The following PMS2 variants were observed in gnomAD, a reference collection of about 807,000 sequenced individuals.
The protein encoded by PMS2 is mismatch repair endonuclease PMS2.
A neutral mutation model predicts 90.0 loss-of-function variants in PMS2; 69 were observed. That is an observed-to-expected ratio of 0.77 (90% CI 0.63 to 0.94). The LOEUF (loss-of-function observed/expected upper bound fraction) is 0.94. Among genes scored for constraint, PMS2 ranks in the 40% least tolerant of loss-of-function variants. The pLI is 0.00. For missense variants in PMS2, 966 were observed against 1,040.2 expected (o/e 0.93, Z 0.98); for synonymous variants, 332 against 375.1 (o/e 0.89, Z 1.33).
intron 8 of PMS2, among the ~76,000 whole-genome samples, chr7:5,992,272 A>T (rs1259167083): frequency 6.7e-6 from 1 of 149,204 alleles, no homozygotes; most frequent in Non-Finnish European, 1.5e-5. Context: ...GGCTCAAGTG[A>T]TCCTCCTGTG....
In PMS2 at chr7:5,991,953, G is replaced by A. The variant is rs1399207272; in HGVS notation, c.988+20C>T. The A allele has an allele frequency of 1.7e-6, 2 of 1,208,100 alleles. No individual in the cohort carries two copies. Among genetic ancestry groups the A allele is most frequent in the Non-Finnish European group, 2.5e-6 (2 of 809,380 alleles). The allele number at this position is 1,208,100 out of a possible 1,614,324, so 74.8% of individuals were successfully genotyped here. The stretch of plus-strand genomic sequence containing the variant: ...TGAGGCATTAGTCACTAGTTGTACT[G>A]AAATGCCAATGGAACTTACCTGAAT... On this transcript the variant is annotated intron_variant, in intron 9 of 14. Coordinates refer to ENST00000265849, the MANE Select transcript of PMS2 (RefSeq NM_000535.7).
At chr7:5,997,525 A>AAAAAATT (rs1784564264) in intron 6 of PMS2, 102 bp from the exon 7 acceptor site, 1 of 721,242 alleles carries the variant, frequency 1.4e-6, no homozygotes, top group Non-Finnish European at 2.4e-6. Context: ...ACAAGCGCAA[A>AAAAAATT]AAAAATTAAA....
rs116314131 is a variant in PMS2, at chr7:5,992,017, C to T, written c.944G>A (p.Arg315Gln). 2.4e-5 allele frequency: 38 copies of T among 1,602,730 alleles called. No homozygotes were observed. The highest frequency in any genetic ancestry group is 1.7e-4 in the African/African-American group (13 of 74,762). Residue 315 changes from arginine (R) to glutamine (Q), a missense_variant, in exon 9 of 15, where the codon CGA becomes CAA. Physicochemically the swap from Arg to Gln is conservative, Grantham distance 43 (BLOSUM62 1). Around this residue, in one of 2 missense-constraint regions of PMS2, gnomAD observed 871 missense variants for 802.4 expected, o/e 1.09. Coordinates refer to ENST00000265849, the MANE Select transcript of PMS2 (RefSeq NM_000535.7). Reference protein sequence around the residue: ...LVNEVYHMYNRHQYPFVVLNI... With the variant: ...LVNEVYHMYNQHQYPFVVLNI... Reference sequence around the variant, plus strand: ...AAGAACAACAAATGGATACTGGTGTCGATTATACATGTGGTAGACCTCATT... The same window carrying T: ...AAGAACAACAAATGGATACTGGTGTTGATTATACATGTGGTAGACCTCATT...
Position 5,999,270 on chromosome 7 carries a change from A to G in PMS2, c.543T>C (p.Tyr181=), listed in dbSNP as rs1583387894. The change falls in exon 6 of 15, where the codon TAT becomes TAC. Residue 181 remains tyrosine, a synonymous_variant. Coordinates refer to ENST00000265849, the MANE Select transcript of PMS2 (RefSeq NM_000535.7). The part of the protein sequence containing the change: ...KEFQRNIKKE[Y]AKMVQVLHAY... The stretch of plus-strand genomic sequence containing the variant: ...CATGTAAGACCTGGACCATTTTGGC[A>G]TACTCCTGTTTAAAAAACACAAACA... 1 of 1,613,766 alleles carries G rather than the reference A, an allele frequency of 6.2e-7. No individual in the cohort carries two copies. The highest frequency in any genetic ancestry group is 1.1e-5 in the South Asian group (1 of 91,076).
intron 11 of PMS2, among the ~76,000 whole-genome samples, chr7:5,985,105 CT>C (rs917341660): frequency 7.2e-4 from 106 of 146,886 alleles, no homozygotes; most frequent in Admixed American, 1.8e-3. Flanking sequence ...TTAACAGGGA[CT>C]TTTTTTTTTA....
chr7:6,004,104 G>T (rs755968432), intron 2 of PMS2, 46 bp from the exon 3 acceptor site: 1 of 1,055,310 alleles, frequency 9.5e-7, no homozygotes, highest in Non-Finnish European at 1.5e-6. Context: ...ACGGACCCAT[G>T]CTATCAGTTT....
intron 8 of PMS2, among the ~76,000 whole-genome samples, chr7:5,993,634 G>A (rs1235977147): frequency 4.6e-5 from 7 of 150,624 alleles, no homozygotes; most frequent in South Asian, 2.1e-4. Context: ...AGACAGAGGC[G>A]GGTGGATCAC....
At chr7:5,986,249 T>A (rs1245689719) in intron 11 of PMS2, among the ~76,000 whole-genome samples, 1 of 150,772 alleles carries the variant, frequency 6.6e-6, no homozygotes, top group Non-Finnish European at 1.5e-5. Context: ...GCCCAGCCAA[T>A]TTTATTGTAG....
intron 11 of PMS2, among the ~76,000 whole-genome samples, chr7:5,985,026 G>A: frequency 6.6e-6 from 1 of 151,652 alleles, no homozygotes; most frequent in South Asian, 2.1e-4. Context: ...TTGAGGGTCT[G>A]TTTCCTGGTA....
In PMS2 at chr7:6,005,880, T is replaced by G; in HGVS notation, c.163+12A>C. The stretch of plus-strand genomic sequence containing the variant: ...GATCATTTCTTGTGGCTTAAAACTC[T>G]CCCAAACTTACCAATATTAGTGGCA... On this transcript the variant is annotated intron_variant, in intron 2 of 14. Transcript: ENST00000265849. 6.2e-7 allele frequency: 1 copy of G among 1,610,764 alleles called. No homozygotes were observed. Among genetic ancestry groups the G allele is most frequent in the Non-Finnish European group, 8.5e-7 (1 of 1,179,810 alleles).
At position 5,986,927 on chromosome 7, in the gene PMS2, T is replaced by C; in HGVS notation, c.1838A>G (p.Lys613Arg). The change falls in exon 11 of 15, where the codon AAG (lysine) becomes AGG (arginine). Residue 613 changes from lysine to arginine, a missense_variant. This residue lies in a region of PMS2 where 871 missense variants were observed against 802.4 expected (regional missense o/e 1.09). Transcript: ENST00000265849. ...AGAAAAGTCCAGGGGCACAACTTTC[T>C]TATTAATTTTCACAGCTACATCAAC... ...SQVDVAVKIN[K>R]KVVPLDFSMS... 1 of 1,614,204 alleles carries C rather than the reference T, an allele frequency of 6.2e-7. No homozygotes were observed. The highest frequency in any genetic ancestry group is 8.5e-7 in the Non-Finnish European group (1 of 1,180,030).
chr7:5,997,416 C>T lies in PMS2; in HGVS notation c.713G>A (p.Ser238Asn), dbSNP rs1060503111. 2.6e-6 allele frequency: 4 copies of T among 1,520,850 alleles called. No individual in the cohort carries two copies. The highest frequency in any genetic ancestry group is 2.3e-5 in the East Asian group (1 of 43,378). The allele number at this position is 1,520,850 out of a possible 1,614,324, so 94.2% of individuals were successfully genotyped here. A position where few individuals can be genotyped will look rare whatever the true frequency, so the allele number is the denominator to read the frequency against. ...GSVFGQKQLQ[S>N]LIPFVQLPPS... ...GGGCAGCTGAACAAAAGGAATGAGG[C>T]TTTGCAACTGAAAAAAAAAAAAAAA... Residue 238 changes from serine (S) to asparagine (N), a missense_variant, in exon 7 of 15, where the codon AGC becomes AAC. By Grantham distance (46) the Ser-to-Asn change is conservative. Around this residue, in one of 2 missense-constraint regions of PMS2, gnomAD observed 871 missense variants for 802.4 expected, o/e 1.09. Transcript: ENST00000265849.
chr7:6,008,009 G>A (rs1334822674), intron 1 of PMS2, among the ~76,000 whole-genome samples: 11 of 151,864 alleles, frequency 7.2e-5, no homozygotes, highest in Non-Finnish European at 1.0e-4. Context: ...ACAGGCTCCC[G>A]CCATCATGCC....
Position 5,999,154 on chromosome 7 carries a change from C to T in PMS2, c.659G>A (p.Ser220Asn), listed in dbSNP as rs769967916. The T allele has an allele frequency of 6.2e-7, 1 of 1,614,108 alleles. No individual in the cohort carries two copies. Among genetic ancestry groups the T allele is most frequent in the Admixed American group, 1.7e-5 (1 of 59,990 alleles). The change falls in exon 6 of 15, where the codon AGC becomes AAC. Residue 220 changes from serine (S) to asparagine (N), a missense_variant. By Grantham distance (46) the Ser-to-Asn change is conservative. This residue lies in a region of PMS2 where 871 missense variants were observed against 802.4 expected (regional missense o/e 1.09). Coordinates refer to ENST00000265849, the MANE Select transcript of PMS2 (RefSeq NM_000535.7). The part of the protein sequence containing the change: ...KRQPVVCTGG[S>N]PSIKENIGSV... ...GCCGATATTTTCCTTTATGCTGGGG[C>T]TTCCACCTGTGCATACCACAGGCTG...
intron 11 of PMS2, among the ~76,000 whole-genome samples, chr7:5,984,250 T>C (rs1273497505): frequency 1.3e-5 from 2 of 151,818 alleles, no homozygotes; most frequent in Non-Finnish European, 2.9e-5. Context: ...CCTTCTCATC[T>C]TTGCCAGGCC....
intron 7 of PMS2, among the ~76,000 whole-genome samples, chr7:5,996,371 T>C (rs1432122504): frequency 1.3e-5 from 2 of 151,734 alleles, no homozygotes; most frequent in Admixed American, 6.6e-5. Context: ...CTGGGCAACA[T>C]GGCGAAACCC....
intron 5 of PMS2, 65 bp downstream of exon 5, chr7:6,002,388 T>C (rs1284304171): frequency 1.0e-6 from 1 of 998,042 alleles, no homozygotes; most frequent in Non-Finnish European, 1.6e-6. Flanking sequence ...ATAAACATCT[T>C]TAGTAAATCT....
At chr7:5,984,209 G>A (rs1160393814) in intron 11 of PMS2, among the ~76,000 whole-genome samples, 1 of 151,812 alleles carries the variant, frequency 6.6e-6, no homozygotes, top group Non-Finnish European at 1.5e-5. Flanking sequence ...TGGTGTGTAA[G>A]AGCACCTTTC....
intron 5 of PMS2, among the ~76,000 whole-genome samples, chr7:6,000,963 C>A (rs1191500742): frequency 6.6e-6 from 1 of 152,092 alleles, no homozygotes; most frequent in Non-Finnish European, 1.5e-5. Context: ...TGCACTCCAG[C>A]CTGGGCGACA....
Sources: allele counts gnomAD v4.1 joint callset (sites outside exome capture counted in the v4.1 genomes callset), GRCh38; gene constraint gnomAD v4.1.1; regional missense constraint gnomAD v4.1.1; transcripts MANE v1.5; gene names NCBI Gene and HGNC (gene_info 2026-07-23, HGNC 2026-07-21).